The following ADGRD1 variants were observed in gnomAD, a reference collection of about 807,000 sequenced individuals.
ADGRD1 encodes adhesion G protein-coupled receptor D1, also known as G-protein coupled receptor 133.
A neutral mutation model predicts 113.4 loss-of-function variants in ADGRD1; 77 were observed. That is an observed-to-expected ratio of 0.68 (90% confidence interval 0.57 to 0.82). The LOEUF (loss-of-function observed/expected upper bound fraction) is 0.82, where lower values mean the gene tolerates loss of function less well. Among genes scored for constraint, ADGRD1 ranks in the 40% least tolerant of loss-of-function variants. The pLI, the probability that ADGRD1 is intolerant of heterozygous loss-of-function variation, is 0.00. For synonymous variants in ADGRD1, 474 were observed against 475.0 expected (o/e 1.00, Z 0.03); for missense variants, 1,036 against 1,139.1 (o/e 0.91, Z 1.30).
At chr12:130,982,122 A>C in intron 5 of ADGRD1, 59 bp downstream of exon 5, 1 of 1,441,880 alleles carries the variant, frequency 6.9e-7, no homozygotes, top group Non-Finnish European at 9.6e-7. Flanking sequence ...CTTCTCTGAG[A>C]ATGGACGCTG....
chr12:131,135,364 A>G (rs1951046912), intron 21 of ADGRD1, among the ~76,000 whole-genome samples: 1 of 152,140 alleles, frequency 6.6e-6, no homozygotes, highest in Non-Finnish European at 1.5e-5. Flanking sequence ...ATAAAAACGC[A>G]TGCTGATGGG....
chr12:130,998,676 G>C (rs1401128287), intron 8 of ADGRD1, among the ~76,000 whole-genome samples: 1 of 152,066 alleles, frequency 6.6e-6, no homozygotes, highest in Non-Finnish European at 1.5e-5. Context: ...TGTTTCCCAG[G>C]CTGGTCTTCA....
At chr12:131,032,414 G>C (rs1256120397) in intron 13 of ADGRD1, among the ~76,000 whole-genome samples, 4 of 152,204 alleles carry the variant, frequency 2.6e-5, no homozygotes, top group Non-Finnish European at 5.9e-5. Flanking sequence ...AACTCACTTT[G>C]GTACCCTGGA....
In ADGRD1 at chr12:131,136,084, C is replaced by T. The variant is rs767469098; in HGVS notation, c.2315C>T (p.Ser772Leu). 32 of 1,614,060 alleles carry T rather than the reference C, an allele frequency of 2.0e-5. 1 individual carries two copies. The South Asian group carries it at 2.9e-4, about 14-fold the overall frequency. Residue 772 changes from serine (S) to leucine (L), a missense_variant, in exon 22 of 25, where the codon TCG becomes TTG. Ser to Leu is a moderately radical substitution (Grantham distance 145). Transcript: ENST00000261654. ...GTGCTGCTGCCCATCCTGGGTACCT[C>T]GTGGGTCTTTGGCGTGCTTGCTGTC... ...VAVLLPILGT[S>L]WVFGVLAVNG...
Position 131,003,336 on chromosome 12 carries a change from A to G in ADGRD1, c.1144+34A>G. The G allele has an allele frequency of 6.9e-7, 1 of 1,443,972 alleles. No individual in the cohort carries two copies. The highest frequency in any genetic ancestry group is 9.7e-7 in the Non-Finnish European group (1 of 1,027,422). 89.4% of individuals were successfully genotyped at this position (1,443,972 alleles called of 1,614,324 possible). Reference sequence around the variant, plus strand: ...CGCTTGTAAGGGTGAGCCACATGGCAGGGGCGGGGGCTGGAGGCTGCGTTT... The same window carrying G: ...CGCTTGTAAGGGTGAGCCACATGGCGGGGGCGGGGGCTGGAGGCTGCGTTT... On this transcript the variant is annotated intron_variant, in intron 10 of 24. Transcript: ENST00000261654. The surrounding 1 kb of genome is among the most constrained non-coding windows in gnomAD (Gnocchi z 4.8).
chr12:131,131,739 C>G lies in ADGRD1; in HGVS notation c.2190C>G (p.Ile730Met). The G allele has an allele frequency of 1.2e-6, 2 of 1,610,056 alleles. No homozygotes were observed. The highest frequency in any genetic ancestry group is 1.7e-6 in the Non-Finnish European group (2 of 1,177,866). Reference sequence around the variant, plus strand: ...TTCTTGTGCAGGTCAACATTGGCATCCTCATCGCTGTGACCAGAGTCATCT... The same window carrying G: ...TTCTTGTGCAGGTCAACATTGGCATGCTCATCGCTGTGACCAGAGTCATCT... ...ALFVIVVNIG[I>M]LIAVTRVISQ... Residue 730 changes from isoleucine (I) to methionine (M), a missense_variant, in exon 21 of 25, where the codon ATC becomes ATG. Physicochemically the swap from Ile to Met is conservative, Grantham distance 10. Transcript: ENST00000261654.
rs976572262 is a variant in ADGRD1, at chr12:130,965,548, T to C, written c.104-915T>C. ...AATCCCCGAGAAGACTAAAATTGTA[T>C]GCATAAAGCCACTCATGTCAGCGCC... On this transcript the variant is annotated intron_variant, in intron 2 of 24. Coordinates refer to ENST00000261654, the MANE Select transcript of ADGRD1 (RefSeq NM_198827.5). This position sits in a 1 kb window ranked among gnomAD's most constrained non-coding sequence, Gnocchi z 4.8. Among the ~76,000 whole-genome samples, 1 of 152,098 alleles carries C rather than the reference T, an allele frequency of 6.6e-6. No individual in the cohort carries two copies. Among genetic ancestry groups the C allele is most frequent in the Non-Finnish European group, 1.5e-5 (1 of 68,016 alleles).
chr12:131,123,999 CAA>C, intron 20 of ADGRD1, among the ~76,000 whole-genome samples: 1 of 152,228 alleles, frequency 6.6e-6, no homozygotes, highest in South Asian at 2.1e-4. Flanking sequence ...ATAGTTGCAA[CAA>C]AGACTGCGTG....
intron 13 of ADGRD1, among the ~76,000 whole-genome samples, chr12:131,048,050 A>T (rs1053657868): frequency 1.3e-5 from 2 of 152,168 alleles, no homozygotes; most frequent in African/African-American, 2.4e-5. Context: ...GGGGCTTCAC[A>T]TGTGCTCTTG....
Position 131,141,338 on chromosome 12 carries a change from T to C in ADGRD1, c.*2075T>C, listed in dbSNP as rs1951240913. 2 of 152,262 alleles carry C rather than the reference T, an allele frequency of 1.3e-5. No homozygotes were observed. Among genetic ancestry groups the C allele is most frequent in the Admixed American group, 6.5e-5 (1 of 15,294 alleles). 9.4% of individuals were successfully genotyped at this position (152,262 alleles called of 1,614,324 possible). A position where few individuals can be genotyped will look rare whatever the true frequency, so the allele number is the denominator to read the frequency against. On this transcript the variant is annotated 3_prime_UTR_variant, in exon 25 of 25. Coordinates refer to ENST00000261654, the MANE Select transcript of ADGRD1 (RefSeq NM_198827.5). ...GCTTCTGCAGTACTTTTATTATCTA[T>C]ACATAATTTGGCCAAAAATAAGAAA...
chr12:130,954,722 G>C lies in ADGRD1; in HGVS notation c.103+62G>C. The stretch of plus-strand genomic sequence containing the variant: ...CCCCCTGCCTAGTGCAGGTATCTCA[G>C]GAACAGCCCACTTGTTCATCTCTGA... On this transcript the variant is annotated intron_variant, in intron 2 of 24. Coordinates refer to ENST00000261654, the MANE Select transcript of ADGRD1 (RefSeq NM_198827.5). The surrounding 1 kb of genome is among the most constrained non-coding windows in gnomAD (Gnocchi z 4.7). 1.3e-6 allele frequency: 2 copies of C among 1,492,298 alleles called. No individual in the cohort carries two copies. The highest frequency in any genetic ancestry group is 9.3e-7 in the Non-Finnish European group (1 of 1,070,650). The allele number at this position is 1,492,298 out of a possible 1,614,324, so 92.4% of individuals were successfully genotyped here.
At chr12:131,136,185 G>C in intron 22 of ADGRD1, 22 bp downstream of exon 22, 1 of 1,612,400 alleles carries the variant, frequency 6.2e-7, no homozygotes, top group Non-Finnish European at 8.5e-7. Context: ...GGGGACTGGC[G>C]GGGAGGCAGG....
intron 13 of ADGRD1, among the ~76,000 whole-genome samples, chr12:131,043,767 G>A (rs917681419): frequency 9.9e-5 from 15 of 152,226 alleles, no homozygotes; most frequent in African/African-American, 2.9e-4. Flanking sequence ...GAGCAGGCTC[G>A]TAGTGACCGG....
At chr12:130,993,477 G>C (rs1337308500) in intron 8 of ADGRD1, among the ~76,000 whole-genome samples, 1 of 151,246 alleles carries the variant, frequency 6.6e-6, no homozygotes, top group African/African-American at 2.4e-5. Flanking sequence ...AAGAGGCTCA[G>C]GGTTGAGGGA....
intron 13 of ADGRD1, among the ~76,000 whole-genome samples, chr12:131,052,047 C>T (rs1191189398): frequency 1.3e-5 from 2 of 152,192 alleles, no homozygotes; most frequent in African/African-American, 4.8e-5. Flanking sequence ...TTTCATAACC[C>T]TGCATGGTGA....
At chr12:131,115,764 G>T (rs1950450072) in intron 18 of ADGRD1, among the ~76,000 whole-genome samples, 1 of 152,196 alleles carries the variant, frequency 6.6e-6, no homozygotes, top group Admixed American at 6.5e-5. Flanking sequence ...GATGACAGCA[G>T]TGGTGGGAAA....
In ADGRD1 at chr12:130,971,529, G is replaced by A. The variant is rs772967898; in HGVS notation, c.259G>A (p.Gly87Ser). ...AAAGGGAGTCACGCTTCTCTATTAC[G>A]GCAGGTACAACAGCTCCTGCATCAG... ...EEKGVTLLYY[G>S]RYNSSCISKP... is the part of the protein sequence containing the mutation. Residue 87 changes from glycine to serine, a missense_variant, in exon 4 of 25, where the codon GGC (glycine) becomes AGC (serine). Gly to Ser is a moderately conservative substitution (Grantham distance 56). Transcript: ENST00000261654. This position sits in a 1 kb window ranked among gnomAD's most constrained non-coding sequence, Gnocchi z 4.2. 29 of 1,613,264 alleles carry A rather than the reference G, an allele frequency of 1.8e-5. No individual in the cohort carries two copies. The highest frequency in any genetic ancestry group is 2.2e-5 in the South Asian group (2 of 90,988).
In ADGRD1 at chr12:131,131,801, AC is replaced by A; in HGVS notation, c.2256del (p.Ser753ValfsTer5). ...ISADNYKIHGDPSAFKLTAKA... is the reference protein window; with the variant it reads ...ISADNYKIHGXPSAFKLTAKA... ...GCCGACAACTACAAGATCCATGGAGACCCCAGTGCCTTCAAGTAAGTTGACC... is the reference window on the plus strand; with the variant it reads ...GCCGACAACTACAAGATCCATGGAGACCCAGTGCCTTCAAGTAAGTTGACC... On this transcript the variant is annotated frameshift_variant, in exon 21 of 25. Transcript: ENST00000261654. LOFTEE classifies it high-confidence loss of function. 3 of 1,611,052 alleles carry A rather than the reference AC, an allele frequency of 1.9e-6. No individual in the cohort carries two copies. Among genetic ancestry groups the A allele is most frequent in the Admixed American group, 3.3e-5 (2 of 59,970 alleles).
At chr12:131,128,284 C>G (rs898990984) in intron 20 of ADGRD1, among the ~76,000 whole-genome samples, 6 of 151,774 alleles carry the variant, frequency 4.0e-5, no homozygotes, top group African/African-American at 1.5e-4. Flanking sequence ...TGATGGGACC[C>G]TGAGCTCAGG....
Sources: allele counts gnomAD v4.1 joint callset (sites outside exome capture counted in the v4.1 genomes callset), GRCh38; gene constraint gnomAD v4.1.1; non-coding constraint Gnocchi (gnomAD v3.1); transcripts MANE v1.5; gene names NCBI Gene and HGNC (gene_info 2026-07-23, HGNC 2026-07-21).